TCAF1: variants seen among roughly 807,000 people sequenced by gnomAD.
TCAF1 encodes the protein TRPM8 channel-associated factor 1.
TCAF1 carries 4 observed loss-of-function variants against 27.3 expected under a neutral mutation model. The observed-to-expected ratio is 0.15, with a 90% CI of 0.07 to 0.34. TCAF1 has a LOEUF of 0.34. TCAF1 is among the 10% of genes least tolerant of loss of function. The pLI, the probability that TCAF1 is intolerant of heterozygous loss-of-function variation, is 1.00. For missense variants in TCAF1, 257 were observed against 425.8 expected (o/e 0.60, Z 3.49); for synonymous variants, 105 against 167.1 (o/e 0.63, Z 2.87).
chr7:143,885,470 C>G (rs1226411395), intron 1 of TCAF1: 1 of 985,322 alleles, frequency 1.0e-6, no homozygotes, highest in Non-Finnish European at 1.2e-6. Context: ...GTGTCAGTTT[C>G]TACCCCAAGA....
chr7:143,886,151 G>A (rs1007030757), intron 1 of TCAF1, among the ~76,000 whole-genome samples: 1 of 152,184 alleles, frequency 6.6e-6, no homozygotes, highest in Non-Finnish European at 1.5e-5. Flanking sequence ...AAAACCTGGA[G>A]GAACCACTCA....
At chr7:143,895,927 G>GA (rs1342380905) in intron 1 of TCAF1, among the ~76,000 whole-genome samples, 1 of 110,298 alleles carries the variant, frequency 9.1e-6, no homozygotes, top group Non-Finnish European at 1.7e-5. Context: ...AAGAAAGAAG[G>GA]AAAAAAATGG....
At chr7:143,892,458 A>G (rs899558348) in intron 1 of TCAF1, among the ~76,000 whole-genome samples, 2 of 152,210 alleles carry the variant, frequency 1.3e-5, no homozygotes, top group Middle Eastern at 3.4e-3. Context: ...AAAGAAATCA[A>G]GAAAAGAGAA....
At chr7:143,901,609 C>G (rs1814114059) in intron 1 of TCAF1, among the ~76,000 whole-genome samples, 1 of 152,160 alleles carries the variant, frequency 6.6e-6, no homozygotes, top group African/African-American at 2.4e-5. Context: ...CTGGGCTTAA[C>G]GGAGACAAGC....
rs535945143 is a variant in TCAF1 at position 143,876,507 on chromosome 7, C to A, written c.102G>T (p.Glu34Asp). 1.1e-5 allele frequency: 18 copies of A among 1,582,540 alleles called. No homozygotes were observed. In the South Asian group the frequency reaches 1.9e-4, roughly 17 times the overall value. Residue 34 changes from glutamate (E) to aspartate (D), a missense_variant, in exon 2 of 9, where the codon GAG becomes GAT. By Grantham distance (45) the Glu-to-Asp change is conservative. This residue lies in a region of TCAF1 where 255 missense variants were observed against 260.1 expected (regional missense o/e 0.98). Transcript: ENST00000479870. ...AVPCELLLIG[E>D]ASFPVMVNDM... ...CATTCACCATCACAGGAAATGAAGC[C>A]TCTCCAATAAGAAGCAGTTCACATG...
intron 1 of TCAF1, among the ~76,000 whole-genome samples, chr7:143,896,890 T>C (rs772266775): frequency 2.0e-5 from 3 of 150,006 alleles, no homozygotes; most frequent in Non-Finnish European, 3.0e-5. Context: ...AGAAAATAAA[T>C]CACAGAAAAA....
Position 143,859,970 on chromosome 7 carries a change from T to TGG in TCAF1, c.2167+237_2167+238insCC. Among the ~76,000 whole-genome samples the TGG allele has an allele frequency of 4.6e-5, 2 of 43,626 alleles. 1 individual carries two copies. The highest frequency in any genetic ancestry group is 1.4e-4 in the African/African-American group (2 of 14,486). The allele number at this position is 43,626 out of a possible 152,430, so 28.6% of individuals were successfully genotyped here. A position where few individuals can be genotyped will look rare whatever the true frequency, so the allele number is the denominator to read the frequency against. ...AATATATATTACGGAATATATATTA[T>TGG]ATAATATATATTATATAATATATAT... On this transcript the variant is annotated intron_variant, in intron 6 of 8. Coordinates refer to ENST00000479870, the MANE Select transcript of TCAF1 (RefSeq NM_014719.3).
At chr7:143,884,707 T>TG (rs1200386769) in intron 1 of TCAF1, among the ~76,000 whole-genome samples, 2 of 120,898 alleles carry the variant, frequency 1.7e-5, no homozygotes, top group East Asian at 2.6e-4. Context: ...TGAGATTTGG[T>TG]GGGGGGAAGG....
Position 143,876,195 on chromosome 7 carries a change from C to A in TCAF1, c.414G>T (p.Leu138=). Residue 138 remains leucine, a synonymous_variant, in exon 2 of 9, where the codon CTG becomes CTT. Coordinates refer to ENST00000479870, the MANE Select transcript of TCAF1 (RefSeq NM_014719.3). The part of the protein sequence containing the change: ...DAYNETMTEK[L]VKFMKCGGGL... ...CGCCACCACATTTCATGAACTTGAC[C>A]AGCTTTTCTGTCATGGTTTCATTGT... is the stretch of plus-strand genomic sequence containing the variant. The A allele has an allele frequency of 6.2e-7, 1 of 1,614,210 alleles. No homozygotes were observed. Among genetic ancestry groups the A allele is most frequent in the Non-Finnish European group, 8.5e-7 (1 of 1,180,034 alleles).
intron 1 of TCAF1, among the ~76,000 whole-genome samples, chr7:143,883,493 C>CTT (rs1813197087): frequency 7.7e-6 from 1 of 129,914 alleles, no homozygotes. Flanking sequence ...TTCTTTCTTT[C>CTT]CTTTTTCTTT....
rs1030006517 is a variant in TCAF1, at chr7:143,888,078, A to G, written c.-14-11456T>C. Among the ~76,000 whole-genome samples, 3 of 152,228 alleles carry G rather than the reference A, an allele frequency of 2.0e-5. No individual in the cohort carries two copies. In the East Asian group the frequency reaches 5.8e-4, roughly 29 times the overall value. On this transcript the variant is annotated intron_variant, in intron 1 of 8. Transcript: ENST00000479870. Reference sequence around the variant, plus strand: ...CTGTACATTTATGATATACTGATATATAATCACACATGCAAATATCTAACT... The same window carrying G: ...CTGTACATTTATGATATACTGATATGTAATCACACATGCAAATATCTAACT...
In TCAF1 at chr7:143,852,169, A is replaced by G. The variant is rs1811331503; in HGVS notation, c.*1964T>C. ...ATCATGCCTCATTTTATTTTGCTCT[A>G]TAATTGGACCTGAATTTTTTGACAT... On this transcript the variant is annotated 3_prime_UTR_variant, in exon 9 of 9. Transcript: ENST00000479870. The G allele has an allele frequency of 6.6e-6, 1 of 151,432 alleles. No individual in the cohort carries two copies. Among genetic ancestry groups the G allele is most frequent in the Non-Finnish European group, 1.5e-5 (1 of 67,910 alleles). The allele number at this position is 151,432 out of a possible 1,614,324, so 9.4% of individuals were successfully genotyped here. A position where few individuals can be genotyped will look rare whatever the true frequency, so the allele number is the denominator to read the frequency against.
chr7:143,885,059 C>T, intron 1 of TCAF1: 1 of 985,300 alleles, frequency 1.0e-6, no homozygotes, highest in Admixed American at 6.1e-5. Context: ...GCCCCGCGTG[C>T]GCCCCCCTCG....
chr7:143,869,763 TG>T (rs558810963), intron 2 of TCAF1, among the ~76,000 whole-genome samples: 983 of 103,004 alleles, frequency 9.5e-3, no homozygotes, highest in African/African-American at 0.033. Flanking sequence ...ATTATACATT[TG>T]TCAAAACTAA....
intron 1 of TCAF1, chr7:143,882,620 G>GCC: frequency 3.0e-6 from 3 of 985,416 alleles, no homozygotes; most frequent in Non-Finnish European, 3.6e-6. Context: ...CACCCATCGC[G>GCC]CCCCGCACCC....
chr7:143,898,786 A>G (rs1236136544), intron 1 of TCAF1, among the ~76,000 whole-genome samples: 3 of 152,226 alleles, frequency 2.0e-5, no homozygotes, highest in African/African-American at 7.2e-5. Flanking sequence ...GTGTCCCTCA[A>G]AAAGCAGGTG....
Position 143,859,962 on chromosome 7 carries a change from ATATAT to A in TCAF1, c.2167+241_2167+245del, listed in dbSNP as rs1811856400. Among the ~76,000 whole-genome samples, 2 of 55,290 alleles carry A rather than the reference ATATAT, an allele frequency of 3.6e-5. 1 individual carries two copies. The highest frequency in any genetic ancestry group is 1.2e-4 in the African/African-American group (2 of 17,180). 36.3% of individuals were successfully genotyped at this position (55,290 alleles called of 152,430 possible). A position where few individuals can be genotyped will look rare whatever the true frequency, so the allele number is the denominator to read the frequency against. On this transcript the variant is annotated intron_variant, in intron 6 of 8. Transcript: ENST00000479870. Reference sequence around the variant, plus strand: ...TATTATATAATATATATTACGGAATATATATTATATAATATATATTATATAATATA... The same window carrying A: ...TATTATATAATATATATTACGGAATATATATAATATATATTATATAATATA...
chr7:143,860,046 T>TATATTATATATATAATATATA (rs1811937144), intron 6 of TCAF1, among the ~76,000 whole-genome samples, 162 bp downstream of exon 6: 5 of 64,266 alleles, frequency 7.8e-5, no homozygotes, highest in Non-Finnish European at 1.3e-4. Flanking sequence ...TAATATATAA[T>TATATTATATATATAATATATA]ATATATTATA....
intron 6 of TCAF1, among the ~76,000 whole-genome samples, chr7:143,859,735 C>T (rs1308105658): frequency 6.7e-6 from 1 of 148,732 alleles, no homozygotes; most frequent in Non-Finnish European, 1.5e-5. Flanking sequence ...CTTTTCCAAC[C>T]CAACAACTCT....
Sources: gnomAD v4.1 joint callset for allele counts (sites outside exome capture counted in the v4.1 genomes callset) on GRCh38, gnomAD v4.1.1 for gene constraint, gnomAD v4.1.1 regional missense constraint, MANE v1.5 for transcripts, NCBI Gene and HGNC (gene_info 2026-07-23, HGNC 2026-07-21) for gene names.